PRUNE2: variants seen among roughly 807,000 people sequenced by gnomAD.
The protein encoded by PRUNE2 is protein prune homolog 2.
In PRUNE2, 164 loss-of-function variants were observed where a neutral mutation model predicts 252.0. The observed-to-expected ratio is 0.65, with a 90% confidence interval of 0.57 to 0.74. PRUNE2 has a LOEUF of 0.74. Among genes scored for constraint, PRUNE2 ranks in the 30% least tolerant of loss-of-function variants. PRUNE2 has a pLI of 0.00. For missense variants in PRUNE2, 3,495 were observed against 3,711.0 expected (o/e 0.94, Z 1.51); for synonymous variants, 1,292 against 1,350.2 (o/e 0.96, Z 0.94).
chr9:76,844,990 C>A (rs1350799414), intron 4 of PRUNE2, among the ~76,000 whole-genome samples: 14 of 130,728 alleles, frequency 1.1e-4, no homozygotes, highest in Admixed American at 9.3e-4. Context: ...ATGGTGAGAC[C>A]CCCCTCTCTT....
intron 1 of PRUNE2, among the ~76,000 whole-genome samples, chr9:76,903,165 C>T (rs926569973): frequency 7.9e-5 from 12 of 152,292 alleles, no homozygotes; most frequent in East Asian, 1.9e-4. Context: ...AAAAGACACA[C>T]AATTTTTCCA....
At chr9:76,626,928 G>A (rs116638632) in intron 16 of PRUNE2, among the ~76,000 whole-genome samples, 1 of 152,068 alleles carries the variant, frequency 6.6e-6, no homozygotes, top group South Asian at 2.1e-4. Context: ...TAGGAGAGAA[G>A]GTTCAAATCT....
At chr9:76,753,626 G>A (rs1021601710) in intron 6 of PRUNE2, among the ~76,000 whole-genome samples, 1 of 152,038 alleles carries the variant, frequency 6.6e-6, no homozygotes, top group Admixed American at 6.6e-5. Flanking sequence ...TCAGGAATAG[G>A]GCCACGCTTC....
Position 76,706,705 on chromosome 9 carries a change from T to A in PRUNE2, c.5569A>T (p.Ile1857Leu). 6.2e-7 allele frequency: 1 copy of A among 1,613,488 alleles called. No individual in the cohort carries two copies. Among genetic ancestry groups the A allele is most frequent in the Non-Finnish European group, 8.5e-7 (1 of 1,179,712 alleles). The change falls in exon 8 of 19, where the codon ATA becomes TTA. Residue 1857 changes from isoleucine to leucine, a missense_variant. Ile to Leu is a conservative substitution (Grantham distance 5). Coordinates refer to ENST00000376718, the MANE Select transcript of PRUNE2 (RefSeq NM_015225.3). ...GCATTTTGGTGTACTGAAGAATTTA[T>A]CTCCAACACACCACTGGAGTCAGAC... The part of the protein sequence containing the change: ...ELSDSSGVLE[I>L]NSSVHQNASP...
chr9:76,618,397 C>T (rs786318), intron 18 of PRUNE2, among the ~76,000 whole-genome samples: 87,195 of 152,030 alleles, frequency 0.57, 26,737 homozygotes, highest in Non-Finnish European at 0.7. Context: ...ACTGATCTTT[C>T]CCCTCTGCTT....
chr9:76,754,988 A>AAC (rs869042811), intron 6 of PRUNE2, among the ~76,000 whole-genome samples: 10 of 146,896 alleles, frequency 6.8e-5, no homozygotes, highest in African/African-American at 2.3e-4. Context: ...AAAAAAAAAA[A>AAC]CCCAAAAAAA....
chr9:76,769,271 T>C (rs1406422508), intron 6 of PRUNE2, among the ~76,000 whole-genome samples: 2 of 152,246 alleles, frequency 1.3e-5, no homozygotes, highest in African/African-American at 4.8e-5. Flanking sequence ...AACAATTTTT[T>C]ACTTCAATAC....
At chr9:76,720,803 G>A (rs1001792024) in intron 6 of PRUNE2, among the ~76,000 whole-genome samples, 5 of 152,080 alleles carry the variant, frequency 3.3e-5, no homozygotes, top group East Asian at 1.9e-4. Context: ...ATTCTTAGAT[G>A]TGAGATGATG....
intron 9 of PRUNE2, among the ~76,000 whole-genome samples, chr9:76,670,703 C>G (rs1429087503): frequency 2.0e-5 from 3 of 152,082 alleles, no homozygotes; most frequent in Admixed American, 6.5e-5. Context: ...AGCTGGAGAT[C>G]TGAGAACAGG....
intron 6 of PRUNE2, among the ~76,000 whole-genome samples, chr9:76,780,863 G>A (rs961035861): frequency 2.0e-5 from 3 of 152,182 alleles, no homozygotes; most frequent in African/African-American, 7.2e-5. Flanking sequence ...GATCTGCCCA[G>A]GACCACGCAG....
chr9:76,799,527 G>C (rs1324285789), intron 6 of PRUNE2, among the ~76,000 whole-genome samples: 1 of 152,158 alleles, frequency 6.6e-6, no homozygotes, highest in African/African-American at 2.4e-5. Flanking sequence ...TGTGTGCATG[G>C]TGGGGGAAAG....
rs571201431 is a variant in PRUNE2, at chr9:76,803,281, G to A, written c.756+20351C>T. On this transcript the variant is annotated intron_variant, in intron 6 of 18. Coordinates refer to ENST00000376718, the MANE Select transcript of PRUNE2 (RefSeq NM_015225.3). ...TTCTAACAGAAGCATTTACAAAGAC[G>A]CAAATACCTAGCATGGAAGAATGTG... Among the ~76,000 whole-genome samples, 5 of 152,268 alleles carry A rather than the reference G, an allele frequency of 3.3e-5. No individual in the cohort carries two copies. In the East Asian group the frequency reaches 7.7e-4, roughly 23 times the overall value.
chr9:76,695,953 CAG>C (rs2045343614), intron 9 of PRUNE2, among the ~76,000 whole-genome samples: 1 of 152,014 alleles, frequency 6.6e-6, no homozygotes, highest in South Asian at 2.1e-4. Flanking sequence ...AGAGATGGAG[CAG>C]AGTTCTCGAC....
intron 12 of PRUNE2, among the ~76,000 whole-genome samples, chr9:76,643,385 C>CTAT (rs1843385048): frequency 1.3e-5 from 2 of 152,130 alleles, no homozygotes; most frequent in African/African-American, 2.4e-5. Context: ...TGTTTTGTTT[C>CTAT]TATTTTCAAA....
intron 6 of PRUNE2, among the ~76,000 whole-genome samples, chr9:76,718,577 C>A (rs771253176): frequency 2.6e-5 from 4 of 152,138 alleles, no homozygotes; most frequent in Non-Finnish European, 4.4e-5. Context: ...TGTTTTTCTC[C>A]GGATTCACCG....
chr9:76,859,022 C>G (rs1031504225), intron 1 of PRUNE2, among the ~76,000 whole-genome samples: 1 of 152,144 alleles, frequency 6.6e-6, no homozygotes, highest in Non-Finnish European at 1.5e-5. Context: ...CACAAGCACA[C>G]CAAGCATCAA....
intron 17 of PRUNE2, among the ~76,000 whole-genome samples, chr9:76,624,147 C>T (rs903345472): frequency 6.6e-6 from 1 of 152,062 alleles, no homozygotes; most frequent in East Asian, 1.9e-4. Context: ...ATGATCATCT[C>T]GATGTCACAC....
rs926309098 is a variant in PRUNE2, at chr9:76,691,396, A to G, written c.8276+11941T>C. Among the ~76,000 whole-genome samples, 7 of 152,346 alleles carry G rather than the reference A, an allele frequency of 4.6e-5. No homozygotes were observed. The South Asian group carries it at 1.4e-3, about 32-fold the overall frequency. On this transcript the variant is annotated intron_variant, in intron 9 of 18. Transcript: ENST00000376718. ...TAATAACCTGTGTATTCCTGGTTGAAACTGACCAGGTAGTAATTTTTTTAC... is the reference window on the plus strand; with the variant it reads ...TAATAACCTGTGTATTCCTGGTTGAGACTGACCAGGTAGTAATTTTTTTAC...
intron 6 of PRUNE2, among the ~76,000 whole-genome samples, chr9:76,731,867 G>A (rs954144876): frequency 6.6e-6 from 1 of 152,166 alleles, no homozygotes. Flanking sequence ...AAAAGAAAGA[G>A]TAGCTTGCAA....
Sources: gnomAD v4.1 joint callset for allele counts (sites outside exome capture counted in the v4.1 genomes callset) on GRCh38, gnomAD v4.1.1 for gene constraint, MANE v1.5 for transcripts, NCBI Gene and HGNC (gene_info 2026-07-23, HGNC 2026-07-21) for gene names.